Variants in ZDBF2 observed in about 807,000 individuals in gnomAD.
ZDBF2 encodes the protein zinc finger DBF-type containing 2, also known as DBF4-type zinc finger-containing protein 2.
Under a neutral mutation model 9.4 loss-of-function variants are expected in ZDBF2, and 6 were observed. The ratio of observed to expected loss-of-function variants is 0.64; its 90% CI spans 0.35 to 1.27. The LOEUF is 1.27. ZDBF2 is among the 50% of genes most tolerant of loss of function. The pLI, the probability that ZDBF2 is intolerant of heterozygous loss-of-function variation, is 0.03. For missense variants in ZDBF2, 2,697 were observed against 2,766.8 expected (o/e 0.97, Z 0.57); for synonymous variants, 905 against 946.3 (o/e 0.96, Z 0.80).
intron 4 of ZDBF2, among the ~76,000 whole-genome samples, chr2:206,303,880 G>A (rs1396789157): frequency 6.6e-6 from 1 of 151,964 alleles, no homozygotes; most frequent in East Asian, 1.9e-4. Context: ...TATATATAGA[G>A]CCGCTTTATT....
intron 3 of ZDBF2, among the ~76,000 whole-genome samples, chr2:206,292,619 G>A (rs896289384): frequency 6.6e-6 from 1 of 151,920 alleles, no homozygotes; most frequent in African/African-American, 2.4e-5. Flanking sequence ...CATGATGGTG[G>A]ACATAAAAAC....
In ZDBF2 at chr2:206,297,381, AG is replaced by A. The variant is rs758046007; in HGVS notation, c.188+9del. The A allele has an allele frequency of 2.5e-6, 4 of 1,609,840 alleles. No individual in the cohort carries two copies. The Admixed American group carries it at 6.8e-5, about 27-fold the overall frequency. On this transcript the variant is annotated intron_variant, in intron 4 of 4. Coordinates refer to ENST00000374423, the MANE Select transcript of ZDBF2 (RefSeq NM_020923.3). ...TCATTGTCAAGAGAGCAGGTAAAGT[AG>A]TTGATTGGAATAATATTTATACGTA...
intron 1 of ZDBF2, among the ~76,000 whole-genome samples, 199 bp downstream of exon 1, chr2:206,275,145 C>T (rs1031971634): frequency 3.3e-5 from 5 of 152,032 alleles, no homozygotes; most frequent in Non-Finnish European, 7.4e-5. Flanking sequence ...TCGGCGGCTC[C>T]GGGCCGGGAT....
At position 206,313,236 on chromosome 2, in the gene ZDBF2, G is replaced by A. The variant is rs2105788025; in HGVS notation, c.*1643G>A. On this transcript the variant is annotated 3_prime_UTR_variant, in exon 5 of 5. Coordinates refer to ENST00000374423, the MANE Select transcript of ZDBF2 (RefSeq NM_020923.3). The stretch of plus-strand genomic sequence containing the variant: ...TTTCTAAATGTGGTTTTATTTCAGG[G>A]GCCATTATTTAACCTGTGTGTATGC... The A allele has an allele frequency of 6.6e-6, 1 of 152,090 alleles. No individual in the cohort carries two copies. Among genetic ancestry groups the A allele is most frequent in the South Asian group, 2.1e-4 (1 of 4,812 alleles). The allele number at this position is 152,090 out of a possible 1,614,324, so 9.4% of individuals were successfully genotyped here.
Position 206,308,810 on chromosome 2 carries a change from C to T in ZDBF2, c.4282C>T (p.Pro1428Ser), listed in dbSNP as rs1230302993. The change falls in exon 5 of 5, where the codon CCT (proline) becomes TCT (serine). Residue 1428 changes from proline (P) to serine (S), a missense_variant. Coordinates refer to ENST00000374423, the MANE Select transcript of ZDBF2 (RefSeq NM_020923.3). ...GTTTGTGACTGATCAATCTTCTGTA[C>T]CTGTCAAAGAAATAAACTTGCAAAA... ...VQFVTDQSSV[P>S]VKEINLQKKD... 1.2e-6 allele frequency: 2 copies of T among 1,613,662 alleles called. No individual in the cohort carries two copies. The highest frequency in any genetic ancestry group is 2.7e-5 in the African/African-American group (2 of 74,890).
intron 3 of ZDBF2, among the ~76,000 whole-genome samples, chr2:206,287,986 A>G (rs1371264868): frequency 6.6e-6 from 1 of 151,872 alleles, no homozygotes; most frequent in Non-Finnish European, 1.5e-5. Context: ...TGAATTGTCT[A>G]TATATATTTT....
chr2:206,313,136 A>G lies in ZDBF2; in HGVS notation c.*1543A>G, dbSNP rs1693270406. ...CCATATTTTATTGAAACTAAGGTCA[A>G]TGTTGAACCATATCTTGATTTCAGA... is the stretch of plus-strand genomic sequence containing the variant. On this transcript the variant is annotated 3_prime_UTR_variant, in exon 5 of 5. Coordinates refer to ENST00000374423, the MANE Select transcript of ZDBF2 (RefSeq NM_020923.3). 2 of 152,352 alleles carry G rather than the reference A, an allele frequency of 1.3e-5. No individual in the cohort carries two copies. The highest frequency in any genetic ancestry group is 2.9e-5 in the Non-Finnish European group (2 of 68,028). The allele number at this position is 152,352 out of a possible 1,614,324, so 9.4% of individuals were successfully genotyped here. A position where few individuals can be genotyped will look rare whatever the true frequency, so the allele number is the denominator to read the frequency against.
chr2:206,289,253 C>A (rs933572419), intron 3 of ZDBF2, among the ~76,000 whole-genome samples: 2 of 152,176 alleles, frequency 1.3e-5, no homozygotes, highest in Middle Eastern at 3.4e-3. Context: ...GTGTTCCTGG[C>A]GGCCATTTCT....
chr2:206,297,779 A>G (rs1211296747), intron 4 of ZDBF2, among the ~76,000 whole-genome samples: 1 of 152,156 alleles, frequency 6.6e-6, no homozygotes, highest in Admixed American at 6.6e-5. Flanking sequence ...ACCCAGGTTC[A>G]AGCGATTCTC....
rs1241773766 is a variant in ZDBF2, at chr2:206,312,495, A to G, written c.*902A>G. On this transcript the variant is annotated 3_prime_UTR_variant, in exon 5 of 5. Transcript: ENST00000374423. ...AGTGGCCTGAACTTAGCTCACCGCA[A>G]CCTCCACCTCCCGGGTTCAAGCAAT... 6.6e-6 allele frequency: 1 copy of G among 151,842 alleles called. No homozygotes were observed. Among genetic ancestry groups the G allele is most frequent in the East Asian group, 1.9e-4 (1 of 5,188 alleles). 9.4% of individuals were successfully genotyped at this position (151,842 alleles called of 1,614,324 possible).
At chr2:206,302,991 T>A (rs115242561) in intron 4 of ZDBF2, among the ~76,000 whole-genome samples, 2,554 of 152,268 alleles carry the variant, frequency 0.017, 50 homozygotes, top group African/African-American at 0.043. Context: ...TAATACTCTC[T>A]CACACAATTT....
intron 3 of ZDBF2, among the ~76,000 whole-genome samples, chr2:206,288,611 A>AGG (rs1559136613): frequency 6.6e-6 from 1 of 152,152 alleles, no homozygotes; most frequent in Non-Finnish European, 1.5e-5. Flanking sequence ...TTATGAACCT[A>AGG]TTGTTGCACT....
At chr2:206,278,693 C>T (rs1691153954) in intron 1 of ZDBF2, among the ~76,000 whole-genome samples, 1 of 152,124 alleles carries the variant, frequency 6.6e-6, no homozygotes. Context: ...ATTTCCCAAC[C>T]TTTGAGTGAG....
chr2:206,280,586 A>G (rs1238793610), intron 2 of ZDBF2, among the ~76,000 whole-genome samples: 1 of 152,196 alleles, frequency 6.6e-6, no homozygotes, highest in Non-Finnish European at 1.5e-5. Flanking sequence ...AAAGAGACCA[A>G]ATTTTAAGTA....
chr2:206,309,471 T>G lies in ZDBF2; in HGVS notation c.4943T>G (p.Val1648Gly). The change falls in exon 5 of 5, where the codon GTG (valine) becomes GGG (glycine). Residue 1648 changes from valine to glycine, a missense_variant. Physicochemically the swap from Val to Gly is moderately radical, Grantham distance 109 (BLOSUM62 -3). Transcript: ENST00000374423. ...YESQGPDEKMVKYIDSEDKSC... is the reference protein window; with the variant it reads ...YESQGPDEKMGKYIDSEDKSC... Reference sequence around the variant, plus strand: ...TCACAAGGACCTGATGAGAAAATGGTGAAATATATTGATTCAGAAGATAAG... The same window carrying G: ...TCACAAGGACCTGATGAGAAAATGGGGAAATATATTGATTCAGAAGATAAG... 1 of 1,613,800 alleles carries G rather than the reference T, an allele frequency of 6.2e-7. No homozygotes were observed.
In ZDBF2 at chr2:206,310,281, A is replaced by G; in HGVS notation, c.5753A>G (p.His1918Arg). Residue 1918 changes from histidine (H) to arginine (R), a missense_variant, in exon 5 of 5, where the codon CAT becomes CGT. Coordinates refer to ENST00000374423, the MANE Select transcript of ZDBF2 (RefSeq NM_020923.3). Reference protein sequence around the residue: ...DLSVALDKPCHRHPPAERPPK... With the variant: ...DLSVALDKPCRRHPPAERPPK... Reference sequence around the variant, plus strand: ...TCAGTGGCCTTAGATAAACCATGCCATCGTCATCCTCCAGCAGAGAGGCCT... The same window carrying G: ...TCAGTGGCCTTAGATAAACCATGCCGTCGTCATCCTCCAGCAGAGAGGCCT... 1 of 1,613,980 alleles carries G rather than the reference A, an allele frequency of 6.2e-7. No homozygotes were observed.
Position 206,310,400 on chromosome 2 carries a change from A to G in ZDBF2, c.5872A>G (p.Arg1958Gly). 6.2e-7 allele frequency: 1 copy of G among 1,614,002 alleles called. No homozygotes were observed. The highest frequency in any genetic ancestry group is 8.5e-7 in the Non-Finnish European group (1 of 1,179,896). The stretch of plus-strand genomic sequence containing the variant: ...TTGTAAGAATTACCCAGTGATGAAA[A>G]GAAAAATAATTAGACAAGAGGAAGA... ...TSCKNYPVMKRKIIRQEEDPP... is the reference protein window; with the variant it reads ...TSCKNYPVMKGKIIRQEEDPP... The change falls in exon 5 of 5, where the codon AGA becomes GGA. Residue 1958 changes from arginine to glycine, a missense_variant. Arg to Gly is a moderately radical substitution (Grantham distance 125). Around this residue, in one of 3 missense-constraint regions of ZDBF2, gnomAD observed 1,783 missense variants for 1,776.5 expected, o/e 1.00. Transcript: ENST00000374423.
intron 3 of ZDBF2, among the ~76,000 whole-genome samples, chr2:206,285,784 T>C (rs949215396): frequency 6.6e-6 from 1 of 152,228 alleles, no homozygotes; most frequent in Non-Finnish European, 1.5e-5. Flanking sequence ...GTTTTGGGGC[T>C]TACATATATG....
intron 3 of ZDBF2, among the ~76,000 whole-genome samples, chr2:206,295,363 C>CTTTTTT (rs571707187): frequency 6.8e-4 from 75 of 110,952 alleles, no homozygotes; most frequent in Non-Finnish European, 7.9e-4. Context: ...CTTTTCTTTT[C>CTTTTTT]TTTTTTTTTT....
Sources: gnomAD v4.1 joint callset for allele counts (sites outside exome capture counted in the v4.1 genomes callset) on GRCh38, gnomAD v4.1.1 for gene constraint, gnomAD v4.1.1 regional missense constraint, MANE v1.5 for transcripts, NCBI Gene and HGNC (gene_info 2026-07-23, HGNC 2026-07-21) for gene names.